The following SPATA13 variants were observed in gnomAD, a reference collection of about 807,000 sequenced individuals.
The protein encoded by SPATA13 is spermatogenesis-associated protein 13.
A neutral mutation model predicts 104.0 loss-of-function variants in SPATA13; 50 were observed. The ratio of observed to expected loss-of-function variants is 0.48; its 90% CI spans 0.38 to 0.61. The LOEUF is 0.61. Among genes scored for constraint, SPATA13 ranks in the 20% least tolerant of loss-of-function variants. The probability of loss-of-function intolerance (pLI) is 0.00; values close to 1 mark genes in which losing one functional copy is unlikely to be tolerated. For synonymous variants in SPATA13, 606 were observed against 667.5 expected (o/e 0.91, Z 1.42); for missense variants, 1,524 against 1,690.6 (o/e 0.90, Z 1.73).
intron 2 of SPATA13, among the ~76,000 whole-genome samples, chr13:23,993,026 A>T (rs369030839): frequency 6.6e-6 from 1 of 152,208 alleles, no homozygotes; most frequent in East Asian, 1.9e-4. Context: ...GCATCATATT[A>T]TGTGCCTGGG....
At chr13:24,263,987 C>T (rs924810539) in intron 4 of SPATA13, among the ~76,000 whole-genome samples, 6 of 152,150 alleles carry the variant, frequency 3.9e-5, no homozygotes, top group Non-Finnish European at 8.8e-5. Context: ...CCTTTAGTGC[C>T]CAAAACCATA....
chr13:24,148,498 TG>T (rs1198302986), intron 3 of SPATA13, among the ~76,000 whole-genome samples: 1 of 152,230 alleles, frequency 6.6e-6, no homozygotes, highest in Non-Finnish European at 1.5e-5. Context: ...CTCAGTTTTC[TG>T]CTCCTTAACA....
chr13:24,136,380 G>A (rs879555775), intron 3 of SPATA13, among the ~76,000 whole-genome samples: 2 of 152,166 alleles, frequency 1.3e-5, no homozygotes, highest in Admixed American at 1.3e-4. Flanking sequence ...GGAGGCTGGG[G>A]CAGGAGAACT....
intron 3 of SPATA13, among the ~76,000 whole-genome samples, chr13:24,072,396 A>G (rs1411244490): frequency 1.3e-5 from 2 of 152,218 alleles, no homozygotes. Context: ...CTGGGAATAT[A>G]GATGATTAAT....
intron 3 of SPATA13, among the ~76,000 whole-genome samples, chr13:24,141,077 A>T (rs1881746280): frequency 6.6e-6 from 1 of 152,002 alleles, no homozygotes; most frequent in South Asian, 2.1e-4. Context: ...CAGGAGGCTG[A>T]GGCAGGAGAA....
At chr13:24,300,758 C>T (rs993348169) in intron 12 of SPATA13, among the ~76,000 whole-genome samples, 1 of 152,194 alleles carries the variant, frequency 6.6e-6, no homozygotes, top group East Asian at 1.9e-4. Flanking sequence ...CCTCTGCTCC[C>T]CTCCCCCAAG....
chr13:24,077,652 G>C (rs947952821), intron 3 of SPATA13, among the ~76,000 whole-genome samples: 1 of 152,086 alleles, frequency 6.6e-6, no homozygotes, highest in African/African-American at 2.4e-5. Context: ...AACAGAATAT[G>C]GAATTTGGAT....
chr13:24,271,031 T>A (rs1874568976), intron 4 of SPATA13: 2 of 718,846 alleles, frequency 2.8e-6, no homozygotes, highest in Admixed American at 2.1e-5. Flanking sequence ...ACTCTCTCTC[T>A]CTCTCTCTCA....
chr13:24,103,405 G>A, intron 3 of SPATA13, among the ~76,000 whole-genome samples: 1 of 145,728 alleles, frequency 6.9e-6, no homozygotes, highest in Middle Eastern at 3.5e-3. Flanking sequence ...GGATGGCTTG[G>A]AACCAAGAGT....
At chr13:24,185,908 T>G (rs955803964) in intron 1 of SPATA13, among the ~76,000 whole-genome samples, 1 of 151,946 alleles carries the variant, frequency 6.6e-6, no homozygotes, top group Non-Finnish European at 1.5e-5. Flanking sequence ...TAGGCTGGAG[T>G]GTCTGGCAGG....
At chr13:24,260,453 T>A (rs1874004106) in intron 4 of SPATA13, among the ~76,000 whole-genome samples, 1 of 152,194 alleles carries the variant, frequency 6.6e-6, no homozygotes, top group South Asian at 2.1e-4. Flanking sequence ...TAGAGTTGTA[T>A]CCTCACCGGG....
chr13:24,168,738 A>T (rs1034816218), intron 1 of SPATA13, among the ~76,000 whole-genome samples: 1 of 152,200 alleles, frequency 6.6e-6, no homozygotes, highest in Non-Finnish European at 1.5e-5. Context: ...TCCAGCCCTC[A>T]TTCAAAACAA....
intron 3 of SPATA13, chr13:24,033,795 C>T (rs547044646): frequency 6.6e-6 from 1 of 152,234 alleles, no homozygotes; most frequent in Non-Finnish European, 1.5e-5. Context: ...CAGCCTGTGA[C>T]TTCCTCAGGA....
intron 9 of SPATA13, among the ~76,000 whole-genome samples, chr13:24,293,950 T>C (rs1272051084): frequency 6.6e-6 from 1 of 152,246 alleles, no homozygotes; most frequent in East Asian, 1.9e-4. Flanking sequence ...TGCTGTAAGT[T>C]GCCACGGGAA....
chr13:24,167,032 T>C (rs1447669332), intron 1 of SPATA13, among the ~76,000 whole-genome samples: 1 of 152,244 alleles, frequency 6.6e-6, no homozygotes, highest in African/African-American at 2.4e-5. Flanking sequence ...TTTAAATACA[T>C]TGGTGCCTAC....
At chr13:24,004,607 G>A (rs1566068993) in intron 2 of SPATA13, among the ~76,000 whole-genome samples, 1 of 152,126 alleles carries the variant, frequency 6.6e-6, no homozygotes, top group African/African-American at 2.4e-5. Flanking sequence ...GCTGGCTGTG[G>A]GCAACAGACC....
At chr13:24,080,496 T>C (rs529146376) in intron 3 of SPATA13, among the ~76,000 whole-genome samples, 2 of 152,114 alleles carry the variant, frequency 1.3e-5, no homozygotes, top group Non-Finnish European at 2.9e-5. Context: ...AAATACAGAA[T>C]TGGTGGGAAG....
intron 1 of SPATA13, among the ~76,000 whole-genome samples, chr13:24,198,166 T>C (rs570906401): frequency 6.6e-6 from 1 of 152,316 alleles, no homozygotes; most frequent in East Asian, 1.9e-4. Flanking sequence ...AGCTAATTTC[T>C]ATATTTTTAG....
At chr13:24,278,694 C>T in intron 4 of SPATA13, 1 of 1,545,290 alleles carries the variant, frequency 6.5e-7, no homozygotes, top group East Asian at 2.4e-5. Context: ...ATAAACAACC[C>T]TGAGAGATGG....
Sources: gnomAD v4.1 joint callset for allele counts (sites outside exome capture counted in the v4.1 genomes callset) on GRCh38, gnomAD v4.1.1 for gene constraint, MANE v1.5 for transcripts, NCBI Gene and HGNC (gene_info 2026-07-23, HGNC 2026-07-21) for gene names.